RBM10: variants seen among roughly 807,000 people sequenced by gnomAD.
RBM10 encodes the protein RNA-binding protein 10.
Under a neutral mutation model 84.9 loss-of-function variants are expected in RBM10, and 1 was observed. The observed-to-expected ratio is 0.01, with a 90% CI of 0.00 to 0.06. RBM10 has a LOEUF of 0.06. RBM10 is among the 10% of genes least tolerant of loss of function. The pLI is 1.00. For missense variants in RBM10, 438 were observed against 839.0 expected, an observed-to-expected ratio of 0.52 and a Z score of 5.90; for synonymous variants, 326 against 344.5, an observed-to-expected ratio of 0.95 and a Z score of 0.60.
intron 1 of RBM10, among the ~76,000 whole-genome samples, chrX:47,147,046 A>G (rs1202997113): frequency 1.8e-5 from 2 of 111,085 alleles, no homozygotes; most frequent in Non-Finnish European, 1.9e-5. Flanking sequence ...GAATTTGTCT[A>G]CCTGTCTTAG....
chrX:47,175,121 C>CA (rs1556775529), intron 6 of RBM10, 29 bp downstream of exon 6: 16 of 1,057,267 alleles, frequency 1.5e-5, no homozygotes, highest in Non-Finnish European at 2.1e-5. Context: ...AACCCCCCCC[C>CA]AAACAAATAC....
Position 47,179,875 on chromosome X carries a change from C to T in RBM10, c.902-5C>T, listed in dbSNP as rs2147172328. On this transcript the variant is annotated splice_polypyrimidine_tract_variant and splice_region_variant and intron_variant, in intron 9 of 23. Coordinates refer to ENST00000377604, the MANE Select transcript of RBM10 (RefSeq NM_005676.5). ...TGTCCTCTAACATTGGGCCCCTTCC[C>T]ACAGCCATCATTTTGCGCAACCTGA... is the stretch of plus-strand genomic sequence containing the variant. The T allele has an allele frequency of 2.5e-6, 3 of 1,203,938 alleles. No individual in the cohort carries two copies. The highest frequency in any genetic ancestry group is 2.2e-6 in the Non-Finnish European group (2 of 891,704).
rs200766225 is a variant in RBM10, at chrX:47,169,372, T to C, written c.75T>C (p.Asp25=). ...GAGCCACTGACCGCTCGCAGGATGA[T>C]GGTGGGGAGAACCGCAGCCGAGACC... The part of the protein sequence containing the change: ...RYGATDRSQD[D]GGENRSRDHD... Residue 25 remains aspartate, a synonymous_variant, in exon 3 of 24, where the codon GAT becomes GAC. Transcript: ENST00000377604. 5.6e-5 allele frequency: 68 copies of C among 1,210,179 alleles called. No homozygotes were observed. The highest frequency in any genetic ancestry group is 7.3e-5 in the Non-Finnish European group (65 of 895,096).
chrX:47,186,130 G>A lies in RBM10; in HGVS notation c.2496G>A (p.Glu832=). Residue 832 remains glutamate (E), a synonymous_variant, in exon 22 of 24, where the codon GAG becomes GAA. Transcript: ENST00000377604. ...AGTATGGCATCCCCGAGCCGCCAGA[G>A]CCCAAGAGGAGGAAGTACGGCGGCA... ...REKYGIPEPP[E]PKRRKYGGIS... The A allele has an allele frequency of 8.2e-7, 1 of 1,212,853 alleles. No homozygotes were observed. Among genetic ancestry groups the A allele is most frequent in the Non-Finnish European group, 1.1e-6 (1 of 895,740 alleles).
In RBM10 at chrX:47,159,997, C is replaced by T. The variant is rs782505750; in HGVS notation, c.18-9318C>T. Among the ~76,000 whole-genome samples, 6 of 111,719 alleles carry T rather than the reference C, an allele frequency of 5.4e-5. No individual in the cohort carries two copies. In the South Asian group the frequency reaches 1.9e-3, roughly 35 times the overall value. ...TACTAAAAATACAGAATTAGCCAGG[C>T]GTGGTGGCGCATGCCTATAATCCCA... is the stretch of plus-strand genomic sequence containing the variant. On this transcript the variant is annotated intron_variant, in intron 2 of 23. Transcript: ENST00000377604.
At chrX:47,160,440 G>A (rs1446516825) in intron 2 of RBM10, among the ~76,000 whole-genome samples, 1 of 111,546 alleles carries the variant, frequency 9.0e-6, no homozygotes, top group African/African-American at 3.3e-5. Context: ...ATGGGCAAAG[G>A]ACATGAACAG....
intron 12 of RBM10, among the ~76,000 whole-genome samples, 189 bp from the exon 13 acceptor site, chrX:47,181,026 G>A (rs1286484226): frequency 9.0e-6 from 1 of 111,248 alleles, no homozygotes; most frequent in Non-Finnish European, 1.9e-5. Context: ...TCTGTCTTGT[G>A]TTTGCCACTG....
rs150224839 is a variant in RBM10 at position 47,146,561 on chromosome X, A to C, written c.-125-796A>C. 2.2e-3 allele frequency among the ~76,000 whole-genome samples: 250 copies of C among 111,564 alleles called. 2 individuals carry two copies. Among genetic ancestry groups the C allele is most frequent in the African/African-American group, 7.8e-3 (238 of 30,687 alleles). On this transcript the variant is annotated intron_variant, in intron 1 of 23. Coordinates refer to ENST00000377604, the MANE Select transcript of RBM10 (RefSeq NM_005676.5). ...GTCACAGGGTTCTCAGGACTCCCTGAGTTCTCACCACAGCCCTGAGGGTTG... is the reference window on the plus strand; with the variant it reads ...GTCACAGGGTTCTCAGGACTCCCTGCGTTCTCACCACAGCCCTGAGGGTTG...
At chrX:47,153,715 CTT>C (rs1387213529) in intron 2 of RBM10, among the ~76,000 whole-genome samples, 1 of 111,553 alleles carries the variant, frequency 9.0e-6, no homozygotes, top group Admixed American at 9.6e-5. Context: ...ATTGGGCAGC[CTT>C]TGTTATTCTC....
At chrX:47,146,791 G>A (rs2147061601) in intron 1 of RBM10, among the ~76,000 whole-genome samples, 1 of 111,474 alleles carries the variant, frequency 9.0e-6, no homozygotes, top group Non-Finnish European at 1.9e-5. Flanking sequence ...AGCCCAGGGA[G>A]GTGGCAGCTG....
intron 19 of RBM10, 30 bp downstream of exon 19, chrX:47,185,397 G>T (rs1556781755): frequency 8.5e-7 from 1 of 1,181,037 alleles, no homozygotes; most frequent in African/African-American, 1.8e-5. Flanking sequence ...AGGGGCGGGG[G>T]CTCTGATCTG....
At chrX:47,151,027 A>G (rs1932773608) in intron 2 of RBM10, among the ~76,000 whole-genome samples, 1 of 107,492 alleles carries the variant, frequency 9.3e-6, no homozygotes, top group African/African-American at 3.4e-5. Context: ...ATTCTTTGTT[A>G]AAGTAATCCC....
intron 2 of RBM10, chrX:47,157,704 A>T: frequency 1.9e-6 from 1 of 534,367 alleles, no homozygotes; most frequent in Non-Finnish European, 3.4e-6. Flanking sequence ...TTCAAGGATG[A>T]CATCAGTCAA....
At chrX:47,177,876 C>T (rs1935250236) in intron 7 of RBM10, among the ~76,000 whole-genome samples, 1 of 111,933 alleles carries the variant, frequency 8.9e-6, no homozygotes, top group South Asian at 3.7e-4. Context: ...CTCAGCCTCC[C>T]AAAGTGCTGG....
intron 2 of RBM10, among the ~76,000 whole-genome samples, chrX:47,165,802 A>G: frequency 9.0e-6 from 1 of 110,826 alleles, no homozygotes; most frequent in East Asian, 2.8e-4. Context: ...TGGGCAGATC[A>G]CGAGGTCAGG....
At chrX:47,175,954 C>T (rs1935103245) in intron 6 of RBM10, among the ~76,000 whole-genome samples, 1 of 112,671 alleles carries the variant, frequency 8.9e-6, no homozygotes, top group South Asian at 3.6e-4. Flanking sequence ...GCCCTGGGGC[C>T]GTCTCCTCGG....
chrX:47,173,292 A>G, intron 5 of RBM10, 95 bp downstream of exon 5: 4 of 1,166,043 alleles, frequency 3.4e-6, no homozygotes, highest in Non-Finnish European at 4.6e-6. Flanking sequence ...TCCCTCCACC[A>G]CCTTCCTGCC....
chrX:47,168,200 A>G lies in RBM10; in HGVS notation c.18-1115A>G, dbSNP rs191612441. Among the ~76,000 whole-genome samples the G allele has an allele frequency of 9.8e-5, 11 of 111,820 alleles. No individual in the cohort carries two copies. The East Asian group carries it at 3.1e-3, about 31-fold the overall frequency. On this transcript the variant is annotated intron_variant, in intron 2 of 23. Coordinates refer to ENST00000377604, the MANE Select transcript of RBM10 (RefSeq NM_005676.5). ...TGCTAGGGAATATGGCAGTGAGCTA[A>G]GGGTCCCCTCATTTCCTGGAGCCCA...
chrX:47,169,591 C>T (rs1021174053), intron 3 of RBM10, 93 bp downstream of exon 3: 1 of 933,230 alleles, frequency 1.1e-6, no homozygotes, highest in East Asian at 3.4e-5. Context: ...GGCAGCTCTC[C>T]ACTCCCGTGC....
Sources: gnomAD v4.1 joint callset for allele counts (sites outside exome capture counted in the v4.1 genomes callset) on GRCh38, gnomAD v4.1.1 for gene constraint, MANE v1.5 for transcripts, NCBI Gene and HGNC (gene_info 2026-07-23, HGNC 2026-07-21) for gene names.